Variants in ABCB4 observed in about 807,000 individuals in gnomAD.
ABCB4 encodes the protein ATP binding cassette subfamily B member 4, also known as phosphatidylcholine translocator ABCB4.
ABCB4 carries 76 observed loss-of-function variants against 145.7 expected under a neutral mutation model. The ratio of observed to expected loss-of-function variants is 0.52; its 90% CI spans 0.43 to 0.63. The LOEUF is 0.63. ABCB4 is among the 30% of genes least tolerant of loss of function. The pLI is 0.00. For missense variants in ABCB4, 1,234 were observed against 1,553.1 expected (o/e 0.79, Z 3.45); for synonymous variants, 517 against 566.8 (o/e 0.91, Z 1.25).
intron 3 of ABCB4, among the ~76,000 whole-genome samples, chr7:87,469,483 A>G (rs977216566): frequency 5.3e-5 from 8 of 152,230 alleles, no homozygotes; most frequent in Non-Finnish European, 1.0e-4. Context: ...CCATTGTCTC[A>G]GCCCAAAGCC....
rs1435697971 is a variant in ABCB4, at chr7:87,411,891, A to T, written c.2924+2T>A. 6.2e-7 allele frequency: 1 copy of T among 1,613,152 alleles called. No homozygotes were observed. Among genetic ancestry groups the T allele is most frequent in the South Asian group, 1.1e-5 (1 of 91,052 alleles). On this transcript the variant is annotated splice_donor_variant, in intron 23 of 27. Transcript: ENST00000649586. LOFTEE classifies it high-confidence loss of function. ...AATCTTAATATTTCTAAAGCTACTTACAGAATAACATCTCTGAAGCGCATA... is the reference window on the plus strand; with the variant it reads ...AATCTTAATATTTCTAAAGCTACTTTCAGAATAACATCTCTGAAGCGCATA...
chr7:87,453,180 TTTTTCTTTTC>T (rs199500302), intron 5 of ABCB4, 45 bp from the exon 6 acceptor site: 4 of 1,578,430 alleles, frequency 2.5e-6, no homozygotes, highest in Non-Finnish European at 3.5e-6. Context: ...TCTCTTTTCT[TTTTTCTTTTC>T]TTTTCTTTTC....
At chr7:87,403,424 A>C in intron 26 of ABCB4, 143 bp from the exon 27 acceptor site, 3 of 706,354 alleles carry the variant, frequency 4.2e-6, no homozygotes, top group South Asian at 3.6e-5. Flanking sequence ...TTCAAAATCA[A>C]ACTAGAAAAC....
chr7:87,382,393 C>T, the ABCB4 span: 8,142 of 1,606,986 alleles, frequency 5.1e-3, 329 homozygotes, highest in African/African-American at 0.094. Flanking sequence ...TCACCGTTCT[C>T]ATTTAATTCT....
At chr7:87,382,940 TAAG>T in the ABCB4 span, among the ~76,000 whole-genome samples, 1 of 152,218 alleles carries the variant, frequency 6.6e-6, no homozygotes, top group Admixed American at 6.5e-5. Context: ...TAATACATCC[TAAG>T]AAGAAGTAGA....
chr7:87,452,928 T>A lies in ABCB4; in HGVS notation c.536+16A>T. 1 of 1,610,368 alleles carries A rather than the reference T, an allele frequency of 6.2e-7. No homozygotes were observed. The highest frequency in any genetic ancestry group is 2.2e-5 in the East Asian group (1 of 44,860). On this transcript the variant is annotated intron_variant, in intron 6 of 27. Transcript: ENST00000649586. ...TTAATTTCTATATGAAAGTGTGACA[T>A]TAACAATGTACCTACTCTGTTAGCC...
chr7:87,472,794 T>C, intron 2 of ABCB4, 119 bp from the exon 3 acceptor site: 1 of 788,866 alleles, frequency 1.3e-6, no homozygotes, highest in East Asian at 2.7e-5. Flanking sequence ...AAGAGTGATG[T>C]TCACAAAATG....
Position 87,408,140 on chromosome 7 carries a change from A to G in ABCB4, c.3176T>C (p.Val1059Ala), listed in dbSNP as rs1235229902. Residue 1059 changes from valine (V) to alanine (A), a missense_variant, in exon 25 of 28, where the codon GTG (valine) becomes GCG (alanine). Transcript: ENST00000649586. ...CAGGGCTAGTGTCTGGCCTTTCTTCACCTCCAGGCTCAGCCCCTGAAGCAC... is the reference window on the plus strand; with the variant it reads ...CAGGGCTAGTGTCTGGCCTTTCTTCGCCTCCAGGCTCAGCCCCTGAAGCAC... ...VPVLQGLSLE[V>A]KKGQTLALVG... The G allele has an allele frequency of 2.5e-6, 4 of 1,613,918 alleles. No homozygotes were observed. The African/African-American group carries it at 5.3e-5, about 22-fold the overall frequency.
chr7:87,409,943 C>T (rs1415153397), intron 23 of ABCB4, among the ~76,000 whole-genome samples: 2 of 152,036 alleles, frequency 1.3e-5, no homozygotes, highest in East Asian at 3.9e-4. Flanking sequence ...TTTTTATTTA[C>T]AATTAAAATA....
intron 17 of ABCB4, among the ~76,000 whole-genome samples, chr7:87,422,991 G>T (rs1426407542): frequency 6.6e-6 from 1 of 152,190 alleles, no homozygotes; most frequent in African/African-American, 2.4e-5. Context: ...GCCTTGAATT[G>T]CAAGAGAGCC....
chr7:87,409,379 T>C lies in ABCB4; in HGVS notation c.2938A>G (p.Ile980Val), dbSNP rs370644411. Residue 980 changes from isoleucine to valine, a missense_variant, in exon 24 of 28, where the codon ATT becomes GTT. Coordinates refer to ENST00000649586, the MANE Select transcript of ABCB4 (RefSeq NM_000443.4). ...FRDVILVFSA[I>V]VFGAVALGHA... The stretch of plus-strand genomic sequence containing the variant: ...CCTAGAGCCACTGCACCAAATACAA[T>C]TGCAGAAAACACCCTAGACAGAAGT... The C allele has an allele frequency of 9.9e-6, 16 of 1,613,982 alleles. No homozygotes were observed. The highest frequency in any genetic ancestry group is 1.4e-5 in the Non-Finnish European group (16 of 1,179,934).
chr7:87,449,887 TA>T, intron 8 of ABCB4, 80 bp downstream of exon 8: 1 of 1,609,506 alleles, frequency 6.2e-7, no homozygotes, highest in Non-Finnish European at 8.5e-7. Context: ...AAAGGGAAGG[TA>T]AAAAACACAT....
At chr7:87,457,792 A>G (rs1041348234) in intron 4 of ABCB4, among the ~76,000 whole-genome samples, 1 of 152,222 alleles carries the variant, frequency 6.6e-6, no homozygotes, top group Non-Finnish European at 1.5e-5. Flanking sequence ...TAAGCAGTGT[A>G]TACATTAAGG....
rs749047903 is a variant in ABCB4 at position 87,452,979 on chromosome 7, G to T, written c.501C>A (p.Ile167=). Residue 167 remains isoleucine, a synonymous_variant, in exon 6 of 28, where the codon ATC becomes ATA. Transcript: ENST00000649586. ...ILRQEIGWFD[I]NDTTELNTRL... ...GCGTATTGAGTTCAGTGGTGTCGTT[G>T]ATGTCAAACCATCCTATTTCCTGTC... 2.5e-6 allele frequency: 4 copies of T among 1,614,062 alleles called. No individual in the cohort carries two copies. The highest frequency in any genetic ancestry group is 3.4e-6 in the Non-Finnish European group (4 of 1,180,004).
At chr7:87,455,448 A>G (rs1189776668) in intron 4 of ABCB4, among the ~76,000 whole-genome samples, 1 of 152,226 alleles carries the variant, frequency 6.6e-6, no homozygotes, top group Admixed American at 6.5e-5. Flanking sequence ...ACTATTTCAC[A>G]AACCCCATTT....
rs765296260 is a variant in ABCB4 at position 87,403,247 on chromosome 7, T to A, written c.3521A>T (p.Gln1174Leu). ...YETRVGDKGT[Q>L]LSGGQKQRIA... ...CCTCTGTTTTTGACCTCCTGAGAGC[T>A]GAGTCCCCTTATCTCCCACTCTTGT... is the stretch of plus-strand genomic sequence containing the variant. The change falls in exon 27 of 28, where the codon CAG (glutamine) becomes CTG (leucine). Residue 1174 changes from glutamine (Q) to leucine (L), a missense_variant. Transcript: ENST00000649586. The A allele has an allele frequency of 2.1e-5, 34 of 1,613,950 alleles. No individual in the cohort carries two copies. The highest frequency in any genetic ancestry group is 2.9e-5 in the Non-Finnish European group (34 of 1,179,908).
Position 87,402,109 on chromosome 7 carries a change from G to A in ABCB4, c.3827C>T (p.Thr1276Ile). The change falls in exon 28 of 28, where the codon ACA becomes ATA. Residue 1276 changes from threonine to isoleucine, a missense_variant. This residue lies in a region of ABCB4 where 58 missense variants were observed against 75.9 expected (regional missense o/e 0.76). Transcript: ENST00000649586. ...YFSMVSVQAG[T>I]QNL ...TGTAGCAAAAGTTCATAAGTTCTGTGTCCCAGCCTGGACACTGACCATTGA... is the reference window on the plus strand; with the variant it reads ...TGTAGCAAAAGTTCATAAGTTCTGTATCCCAGCCTGGACACTGACCATTGA... 2 of 1,614,036 alleles carry A rather than the reference G, an allele frequency of 1.2e-6. No individual in the cohort carries two copies. The highest frequency in any genetic ancestry group is 2.2e-5 in the South Asian group (2 of 91,076).
At position 87,402,211 on chromosome 7, in the gene ABCB4, A is replaced by G; in HGVS notation, c.3725T>C (p.Ile1242Thr). The G allele has an allele frequency of 6.2e-7, 1 of 1,614,098 alleles. No homozygotes were observed. Among genetic ancestry groups the G allele is most frequent in the Non-Finnish European group, 8.5e-7 (1 of 1,179,986 alleles). The stretch of plus-strand genomic sequence containing the variant: ...GACTCTCCCATTCTGAAACACCACT[A>G]TTAAGTCTGCATTCTGGATGGTGGA... Reference protein sequence around the residue: ...RLSTIQNADLIVVFQNGRVKE... With the variant: ...RLSTIQNADLTVVFQNGRVKE... The change falls in exon 28 of 28, where the codon ATA becomes ACA. Residue 1242 changes from isoleucine to threonine, a missense_variant. Ile to Thr is a moderately conservative substitution (Grantham distance 89, BLOSUM62 -1). Transcript: ENST00000649586.
chr7:87,457,190 G>A (rs991258261), intron 4 of ABCB4, among the ~76,000 whole-genome samples: 7 of 152,090 alleles, frequency 4.6e-5, no homozygotes, highest in South Asian at 2.1e-4. Context: ...AGGCTGAGGC[G>A]GGAGGATCAC....
Sources: allele counts gnomAD v4.1 joint callset (sites outside exome capture counted in the v4.1 genomes callset), GRCh38; gene constraint gnomAD v4.1.1; regional missense constraint gnomAD v4.1.1; transcripts MANE v1.5; gene names NCBI Gene and HGNC (gene_info 2026-07-23, HGNC 2026-07-21).